The following NFIB variants were observed in gnomAD, a reference collection of about 807,000 sequenced individuals.
NFIB encodes the protein nuclear factor 1 B-type.
A neutral mutation model predicts 61.5 loss-of-function variants in NFIB; 11 were observed. The observed-to-expected ratio is 0.18, with a 90% CI of 0.11 to 0.30. The LOEUF (loss-of-function observed/expected upper bound fraction) is 0.30, where lower values mean the gene tolerates loss of function less well. Ranked by LOEUF, NFIB falls within the 10% of genes least tolerant of loss-of-function variation. NFIB has a pLI of 1.00. For missense variants in NFIB, 471 were observed against 608.9 expected, an observed-to-expected ratio of 0.77 and a Z score of 2.38; for synonymous variants, 260 against 216.5, an observed-to-expected ratio of 1.20 and a Z score of -1.76.
At chr9:14,367,266 T>C (rs1379639176) in intron 1 of NFIB, among the ~76,000 whole-genome samples, 1 of 152,092 alleles carries the variant, frequency 6.6e-6, no homozygotes, top group Admixed American at 6.5e-5. Flanking sequence ...TTGTGACAGT[T>C]TCCATAGTGA....
At chr9:14,110,961 T>C (rs2037264964) in intron 10 of NFIB, among the ~76,000 whole-genome samples, 1 of 152,118 alleles carries the variant, frequency 6.6e-6, no homozygotes. Context: ...GTATTTAACA[T>C]TTTCAGCTAT....
chr9:14,308,432 C>T (rs1403285386), intron 1 of NFIB, among the ~76,000 whole-genome samples: 1 of 152,172 alleles, frequency 6.6e-6, no homozygotes, highest in Non-Finnish European at 1.5e-5. Flanking sequence ...AATGTTCTTC[C>T]ATCAGCTTCC....
intron 1 of NFIB, among the ~76,000 whole-genome samples, chr9:14,369,344 T>C (rs1180295668): frequency 6.6e-6 from 1 of 152,216 alleles, no homozygotes; most frequent in Admixed American, 6.5e-5. Flanking sequence ...AATTATCTAA[T>C]TATCATCGGG....
At chr9:14,124,624 C>G (rs2039396755) in intron 7 of NFIB, among the ~76,000 whole-genome samples, 1 of 152,152 alleles carries the variant, frequency 6.6e-6, no homozygotes, top group Admixed American at 6.5e-5. Context: ...TCACTATTAA[C>G]ATATTTATAT....
At position 14,127,406 on chromosome 9, in the gene NFIB, G is replaced by A. The variant is rs187813696; in HGVS notation, c.926-1640C>T. 3.0e-3 allele frequency among the ~76,000 whole-genome samples: 457 copies of A among 152,204 alleles called. 2 individuals are homozygous for A. The highest frequency in any genetic ancestry group is 5.1e-3 in the Non-Finnish European group (345 of 68,004). The stretch of plus-strand genomic sequence containing the variant: ...GAATTGTAATGAATCCTCACGTACC[G>A]ATAACCCAACTTCGGCAATGATCAA... On this transcript the variant is annotated intron_variant, in intron 6 of 10. Coordinates refer to ENST00000380953, the MANE Select transcript of NFIB (RefSeq NM_001190737.2).
At chr9:14,322,937 G>A (rs2060698645) in intron 1 of NFIB, among the ~76,000 whole-genome samples, 1 of 152,204 alleles carries the variant, frequency 6.6e-6, no homozygotes, top group South Asian at 2.1e-4. Flanking sequence ...CCGCGGGCAA[G>A]GGGCCCCTCG....
rs559516263 is a variant in NFIB at position 14,194,153 on chromosome 9, A to T, written c.563-14373T>A. ...CACATAAGGCAAACTTCTAATGCACATTTATGAATTTAATTCAATAAATAT... is the reference window on the plus strand; with the variant it reads ...CACATAAGGCAAACTTCTAATGCACTTTTATGAATTTAATTCAATAAATAT... On this transcript the variant is annotated intron_variant, in intron 2 of 10. Transcript: ENST00000380953. 2.6e-4 allele frequency among the ~76,000 whole-genome samples: 40 copies of T among 152,358 alleles called. 1 individual carries two copies. Among genetic ancestry groups the T allele is most frequent in the African/African-American group, 9.4e-4 (39 of 41,578 alleles).
the NFIB span, among the ~76,000 whole-genome samples, chr9:14,480,127 C>G: frequency 6.6e-6 from 1 of 151,630 alleles, no homozygotes; most frequent in Non-Finnish European, 1.5e-5. Flanking sequence ...TTTTATAAGT[C>G]AGGCCCTCTT....
chr9:14,323,579 C>T (rs1383019812), intron 1 of NFIB, among the ~76,000 whole-genome samples: 1 of 152,190 alleles, frequency 6.6e-6, no homozygotes, highest in Non-Finnish European at 1.5e-5. Flanking sequence ...TGTAATTGCA[C>T]AACAGACGAC....
At chr9:14,479,995 G>C in the NFIB span, among the ~76,000 whole-genome samples, 1 of 151,942 alleles carries the variant, frequency 6.6e-6, no homozygotes, top group Non-Finnish European at 1.5e-5. Context: ...GAAGGAGGCA[G>C]GGAGGGAGGG....
intron 2 of NFIB, among the ~76,000 whole-genome samples, chr9:14,301,923 G>A (rs1433342820): frequency 6.6e-6 from 1 of 152,164 alleles, no homozygotes; most frequent in African/African-American, 2.4e-5. Flanking sequence ...GAGCCAGAAT[G>A]CAAACAAATG....
the NFIB span, among the ~76,000 whole-genome samples, chr9:14,452,143 G>A: frequency 6.6e-6 from 1 of 151,924 alleles, no homozygotes; most frequent in Non-Finnish European, 1.5e-5. Flanking sequence ...ATTCCTTTGT[G>A]GTTATTCGTG....
chr9:14,466,415 G>A, the NFIB span, among the ~76,000 whole-genome samples: 5,698 of 152,206 alleles, frequency 0.037, 152 homozygotes, highest in Admixed American at 0.068. Flanking sequence ...TGTGCAGATG[G>A]AAGGTCTAGG....
At chr9:14,383,714 C>A (rs1381266745) in intron 1 of NFIB, among the ~76,000 whole-genome samples, 1 of 152,186 alleles carries the variant, frequency 6.6e-6, no homozygotes, top group Admixed American at 6.5e-5. Context: ...TTTCCTGCAC[C>A]TTTCATCATG....
intron 10 of NFIB, among the ~76,000 whole-genome samples, chr9:14,106,919 A>ATAAACCAT (rs1187182273): frequency 1.3e-5 from 2 of 152,134 alleles, no homozygotes; most frequent in Non-Finnish European, 2.9e-5. Flanking sequence ...AACTGAACCA[A>ATAAACCAT]TAAACCATTA....
chr9:14,164,353 C>T (rs1484543053), intron 3 of NFIB, among the ~76,000 whole-genome samples: 1 of 152,018 alleles, frequency 6.6e-6, no homozygotes, highest in Admixed American at 6.6e-5. Flanking sequence ...ACCTACTACA[C>T]ACCTAGGCTA....
At chr9:14,111,796 GTTTGT>G (rs1332542777) in intron 10 of NFIB, among the ~76,000 whole-genome samples, 4 of 152,062 alleles carry the variant, frequency 2.6e-5, no homozygotes, top group Non-Finnish European at 5.9e-5. Flanking sequence ...CACTCTTTTG[GTTTGT>G]TTTGTTTTGC....
intron 2 of NFIB, among the ~76,000 whole-genome samples, chr9:14,287,028 T>A (rs940154545): frequency 2.6e-5 from 4 of 152,172 alleles, no homozygotes; most frequent in Non-Finnish European, 5.9e-5. Flanking sequence ...ACTTTTTATT[T>A]GCCTGAGGAG....
At chr9:14,105,845 T>TA (rs1171894064) in intron 10 of NFIB, among the ~76,000 whole-genome samples, 1 of 152,130 alleles carries the variant, frequency 6.6e-6, no homozygotes, top group Non-Finnish European at 1.5e-5. Context: ...GTTTTCCTAA[T>TA]AAAAAATAAT....
Sources: gnomAD v4.1 joint callset for allele counts (sites outside exome capture counted in the v4.1 genomes callset) on GRCh38, gnomAD v4.1.1 for gene constraint, MANE v1.5 for transcripts, NCBI Gene and HGNC (gene_info 2026-07-23, HGNC 2026-07-21) for gene names.